SFXN1: variants seen among roughly 807,000 people sequenced by gnomAD.
SFXN1 encodes sideroflexin-1.
In SFXN1, 32 loss-of-function variants were observed where a neutral mutation model predicts 39.5. The ratio of observed to expected loss-of-function variants is 0.81; its 90% CI spans 0.61 to 1.09. The LOEUF is 1.09. Ranked by LOEUF, SFXN1 falls within the 50% of genes least tolerant of loss-of-function variation. SFXN1 has a pLI of 0.00. For synonymous variants in SFXN1, 136 were observed against 146.5 expected (o/e 0.93, Z 0.52); for missense variants, 402 against 407.1 (o/e 0.99, Z 0.11).
At chr5:175,487,195 C>T (rs1171209343) in intron 1 of SFXN1, among the ~76,000 whole-genome samples, 3 of 152,296 alleles carry the variant, frequency 2.0e-5, no homozygotes, top group Admixed American at 1.3e-4. Context: ...CTGAATCCCA[C>T]GCCCAGCCTT....
At chr5:175,481,462 C>T (rs150871477) in intron 1 of SFXN1, among the ~76,000 whole-genome samples, 1,899 of 152,308 alleles carry the variant, frequency 0.012, 41 homozygotes, top group African/African-American at 0.044. Context: ...GCTGGGATTG[C>T]AGGTGCGTGC....
chr5:175,517,601 C>T (rs757693347), intron 8 of SFXN1, among the ~76,000 whole-genome samples: 7 of 152,144 alleles, frequency 4.6e-5, no homozygotes, highest in Non-Finnish European at 8.8e-5. Flanking sequence ...CTACCACTCC[C>T]CAAGTTCACA....
In SFXN1 at chr5:175,527,446, T is replaced by G. The variant is rs1761102141; in HGVS notation, c.*712T>G. On this transcript the variant is annotated 3_prime_UTR_variant, in exon 11 of 11. Coordinates refer to ENST00000321442, the MANE Select transcript of SFXN1 (RefSeq NM_022754.7). ...TTTGTTCTTATAAAGATGATAATCT[T>G]ACCTTGCAGTTATTGACTTTATATT... 1 of 152,274 alleles carries G rather than the reference T, an allele frequency of 6.6e-6. No individual in the cohort carries two copies. The highest frequency in any genetic ancestry group is 2.4e-5 in the African/African-American group (1 of 41,468). The allele number at this position is 152,274 out of a possible 1,614,324, so 9.4% of individuals were successfully genotyped here. A position where few individuals can be genotyped will look rare whatever the true frequency, so the allele number is the denominator to read the frequency against.
intron 8 of SFXN1, among the ~76,000 whole-genome samples, chr5:175,517,735 C>T (rs1760754572): frequency 6.6e-6 from 1 of 152,132 alleles, no homozygotes; most frequent in South Asian, 2.1e-4. Flanking sequence ...TACTTTTCCA[C>T]GTTCAAAACA....
At chr5:175,489,854 A>G (rs973228536) in intron 1 of SFXN1, among the ~76,000 whole-genome samples, 2 of 152,144 alleles carry the variant, frequency 1.3e-5, no homozygotes, top group Non-Finnish European at 2.9e-5. Context: ...TGTACATGAG[A>G]CCATGAGCCA....
chr5:175,497,856 G>T (rs1041709383), intron 2 of SFXN1, among the ~76,000 whole-genome samples: 1 of 151,300 alleles, frequency 6.6e-6, no homozygotes, highest in Non-Finnish European at 1.5e-5. Context: ...CTTGAACCCA[G>T]GAGGCGGAGG....
At chr5:175,510,341 T>C in intron 4 of SFXN1, 134 bp downstream of exon 4, 2 of 687,734 alleles carry the variant, frequency 2.9e-6, no homozygotes, top group East Asian at 5.8e-5. Context: ...GCATCCTTTT[T>C]TGTAGCTTTT....
chr5:175,516,560 A>G, intron 7 of SFXN1, 54 bp from the exon 8 acceptor site: 1 of 1,507,660 alleles, frequency 6.6e-7, no homozygotes, highest in Non-Finnish European at 9.1e-7. Context: ...AAAAAAAAGT[A>G]AGCTGAAAAT....
intron 1 of SFXN1, among the ~76,000 whole-genome samples, chr5:175,486,305 G>T (rs1759447636): frequency 6.6e-6 from 1 of 152,248 alleles, no homozygotes; most frequent in African/African-American, 2.4e-5. Context: ...GGCTGCTCCT[G>T]CTTTGAGTTC....
At chr5:175,524,611 C>A in intron 10 of SFXN1, among the ~76,000 whole-genome samples, 1 of 148,840 alleles carries the variant, frequency 6.7e-6, no homozygotes, top group Admixed American at 6.7e-5. Context: ...CACTAAATGT[C>A]CCAACTTAAA....
chr5:175,494,583 A>T (rs1759785071), intron 2 of SFXN1, among the ~76,000 whole-genome samples: 2 of 152,156 alleles, frequency 1.3e-5, no homozygotes, highest in African/African-American at 4.8e-5. Flanking sequence ...CCCCGTCTCT[A>T]CAAAAAAAAG....
At chr5:175,508,902 T>C (rs1231970658) in intron 2 of SFXN1, 130 bp from the exon 3 acceptor site, 6 of 760,888 alleles carry the variant, frequency 7.9e-6, no homozygotes, top group African/African-American at 5.4e-5. Flanking sequence ...CCCAAAGTGC[T>C]GGGATTACAG....
In SFXN1 at chr5:175,492,134, A is replaced by G. The variant is rs1198824424; in HGVS notation, c.31A>G (p.Ile11Val). Residue 11 changes from isoleucine to valine, a missense_variant, in exon 2 of 11, where the codon ATC becomes GTC. Coordinates refer to ENST00000321442, the MANE Select transcript of SFXN1 (RefSeq NM_022754.7). Reference protein sequence around the residue: MSGELPPNINIKEPRWDQSTF... With the variant: MSGELPPNINVKEPRWDQSTF... Reference sequence around the variant, plus strand: ...TGGAGAACTACCACCAAACATTAACATCAAGGAACCTCGATGGGATCAAAG... The same window carrying G: ...TGGAGAACTACCACCAAACATTAACGTCAAGGAACCTCGATGGGATCAAAG... 4 of 1,613,906 alleles carry G rather than the reference A, an allele frequency of 2.5e-6. No individual in the cohort carries two copies. The South Asian group carries it at 4.4e-5, about 18-fold the overall frequency.
At chr5:175,505,398 G>A (rs925383625) in intron 2 of SFXN1, among the ~76,000 whole-genome samples, 2 of 151,666 alleles carry the variant, frequency 1.3e-5, no homozygotes, top group Non-Finnish European at 2.9e-5. Context: ...AAAGCTGAAT[G>A]TGGTGGCGGG....
At chr5:175,504,315 C>T (rs774207467) in intron 2 of SFXN1, among the ~76,000 whole-genome samples, 3 of 152,134 alleles carry the variant, frequency 2.0e-5, no homozygotes, top group Non-Finnish European at 4.4e-5. Context: ...TGGCTCACGC[C>T]TGTAATCCCA....
intron 1 of SFXN1, among the ~76,000 whole-genome samples, chr5:175,480,318 C>G (rs891219863): frequency 2.6e-4 from 40 of 151,944 alleles, no homozygotes; most frequent in African/African-American, 4.1e-4. Flanking sequence ...GGAGAATGGC[C>G]TGAACCCGGG....
rs138752068 is a variant in SFXN1 at position 175,497,988 on chromosome 5, T to C, written c.164+5721T>C. ...TGTAGTAGGAAATTCTAACATACCT[T>C]TTATCATCTTTGATAGATCATCTAA... On this transcript the variant is annotated intron_variant, in intron 2 of 10. Transcript: ENST00000321442. Among the ~76,000 whole-genome samples the C allele has an allele frequency of 6.5e-4, 99 of 151,498 alleles. No homozygotes were observed. The East Asian group carries it at 0.015, about 23-fold the overall frequency.
intron 1 of SFXN1, among the ~76,000 whole-genome samples, chr5:175,487,593 A>C (rs1383938385): frequency 1.3e-5 from 2 of 152,044 alleles, no homozygotes; most frequent in Non-Finnish European, 2.9e-5. Flanking sequence ...ACCTCTTCAC[A>C]CCACAGTCCT....
At chr5:175,518,994 GATAAAGGACTTGTGTCCAGAATAC>G (rs1325134248) in intron 8 of SFXN1, among the ~76,000 whole-genome samples, 3 of 152,198 alleles carry the variant, frequency 2.0e-5, no homozygotes, top group Non-Finnish European at 4.4e-5. Context: ...GCACGTATGT[GATAAAGGACTTGTGTCCAGAATAC>G]ATAAAGGACC....
Sources: gnomAD v4.1 joint callset for allele counts (sites outside exome capture counted in the v4.1 genomes callset) on GRCh38, gnomAD v4.1.1 for gene constraint, MANE v1.5 for transcripts, NCBI Gene and HGNC (gene_info 2026-07-23, HGNC 2026-07-21) for gene names.